The following USP10 variants were observed in gnomAD, a reference collection of about 807,000 sequenced individuals.
USP10 encodes the protein ubiquitin specific peptidase 10.
A neutral mutation model predicts 84.5 loss-of-function variants in USP10; 22 were observed. The ratio of observed to expected loss-of-function variants is 0.26; its 90% CI spans 0.19 to 0.37. The LOEUF is 0.37. Among genes scored for constraint, USP10 ranks in the 10% least tolerant of loss-of-function variants. USP10 has a pLI of 1.00. For missense variants in USP10, 1,019 were observed against 998.9 expected, an observed-to-expected ratio of 1.02 and a Z score of -0.27; for synonymous variants, 454 against 387.6, an observed-to-expected ratio of 1.17 and a Z score of -2.01.
chr16:84,747,227 A>G (rs1485864569), intron 4 of USP10, among the ~76,000 whole-genome samples: 1 of 152,238 alleles, frequency 6.6e-6, no homozygotes, highest in Non-Finnish European at 1.5e-5. Context: ...CCAAGTTAAA[A>G]TAAGCTGTTT....
intron 2 of USP10, among the ~76,000 whole-genome samples, chr16:84,739,938 T>C (rs761562249): frequency 6.6e-5 from 10 of 152,224 alleles, no homozygotes; most frequent in Non-Finnish European, 1.5e-4. Context: ...TCATCTTCGC[T>C]AGTGCACAAA....
chr16:84,727,551 G>C (rs972560390), intron 1 of USP10, among the ~76,000 whole-genome samples: 1 of 152,172 alleles, frequency 6.6e-6, no homozygotes, highest in Non-Finnish European at 1.5e-5. Context: ...ATAGTACAAA[G>C]AATCCCCAGA....
At chr16:84,774,578 C>G (rs1021520426) in intron 12 of USP10, among the ~76,000 whole-genome samples, 2 of 151,894 alleles carry the variant, frequency 1.3e-5, no homozygotes, top group African/African-American at 4.8e-5. Flanking sequence ...TCAAGTGATT[C>G]TCCTGCCTCA....
At chr16:84,711,331 A>G (rs902115427) in intron 1 of USP10, among the ~76,000 whole-genome samples, 1 of 152,214 alleles carries the variant, frequency 6.6e-6, no homozygotes, top group Admixed American at 6.5e-5. Flanking sequence ...ACATCTTGAA[A>G]TAGGACCTTT....
intron 2 of USP10, among the ~76,000 whole-genome samples, chr16:84,736,319 G>T (rs1909932301): frequency 6.6e-6 from 1 of 152,208 alleles, no homozygotes; most frequent in Admixed American, 6.5e-5. Context: ...AGAAATGTGG[G>T]ATGTTAAGAT....
intron 9 of USP10, among the ~76,000 whole-genome samples, chr16:84,763,798 G>A (rs532378908): frequency 1.5e-3 from 224 of 152,060 alleles, no homozygotes; most frequent in African/African-American, 5.3e-3. Flanking sequence ...CACCTGTTGC[G>A]ATTGGTTGCC....
In USP10 at chr16:84,744,933, A is replaced by G. The variant is rs758475739; in HGVS notation, c.452A>G (p.Lys151Arg). ...SGGLGQRERK[K>R]KKKRPPGYYS... The stretch of plus-strand genomic sequence containing the variant: ...GGTCTTGGACAAAGGGAGCGTAAAA[A>G]GAAGAAAAAGCGGCCACCTGGATAT... The change falls in exon 4 of 14, where the codon AAG becomes AGG. Residue 151 changes from lysine to arginine, a missense_variant. Coordinates refer to ENST00000219473, the MANE Select transcript of USP10 (RefSeq NM_005153.3). The G allele has an allele frequency of 6.2e-7, 1 of 1,613,812 alleles. No individual in the cohort carries two copies. Among genetic ancestry groups the G allele is most frequent in the Non-Finnish European group, 8.5e-7 (1 of 1,179,718 alleles).
chr16:84,759,726 A>G, intron 6 of USP10, 165 bp from the exon 7 acceptor site: 1 of 753,304 alleles, frequency 1.3e-6, no homozygotes, highest in African/African-American at 1.8e-5. Context: ...GAAATAGACC[A>G]AAAATGCATA....
intron 1 of USP10, among the ~76,000 whole-genome samples, chr16:84,714,550 A>G (rs1164346046): frequency 2.7e-5 from 4 of 149,304 alleles, no homozygotes; most frequent in Admixed American, 6.7e-5. Context: ...TTTTTTTTTT[A>G]GATCTCAAGA....
intron 9 of USP10, 131 bp from the exon 10 acceptor site, chr16:84,763,955 G>A: frequency 8.5e-7 from 1 of 1,170,082 alleles, no homozygotes; most frequent in East Asian, 2.6e-5. Context: ...TGTTGCGATT[G>A]GTTGCCGTGG....
intron 1 of USP10, among the ~76,000 whole-genome samples, chr16:84,712,885 G>T (rs1906496678): frequency 6.6e-6 from 1 of 152,170 alleles, no homozygotes; most frequent in African/African-American, 2.4e-5. Context: ...AGGACACTTA[G>T]CAATGCAGAG....
chr16:84,731,212 C>T (rs919491918), intron 1 of USP10, among the ~76,000 whole-genome samples: 1 of 151,694 alleles, frequency 6.6e-6, no homozygotes, highest in African/African-American at 2.4e-5. Context: ...ATCTTCTGAC[C>T]TCATGATCCG....
At chr16:84,755,230 G>A (rs1170423917) in intron 4 of USP10, among the ~76,000 whole-genome samples, 3 of 151,496 alleles carry the variant, frequency 2.0e-5, no homozygotes, top group South Asian at 2.1e-4. Flanking sequence ...TTCAAGCCCC[G>A]TCTCACCCAC....
intron 4 of USP10, among the ~76,000 whole-genome samples, chr16:84,748,408 A>G (rs755726448): frequency 4.0e-5 from 6 of 151,784 alleles, no homozygotes; most frequent in African/African-American, 7.3e-5. Flanking sequence ...GGTTCAGGCA[A>G]TTCTCCTGCC....
intron 1 of USP10, among the ~76,000 whole-genome samples, chr16:84,725,802 A>G (rs959431407): frequency 2.6e-5 from 4 of 152,250 alleles, no homozygotes; most frequent in African/African-American, 9.6e-5. Flanking sequence ...CTGGTCCAAC[A>G]TACCTTCATT....
chr16:84,738,146 C>G (rs1428753554), intron 2 of USP10, among the ~76,000 whole-genome samples: 1 of 152,070 alleles, frequency 6.6e-6, no homozygotes, highest in Non-Finnish European at 1.5e-5. Flanking sequence ...GTGCGTCTTC[C>G]CAGCCTGCTG....
At chr16:84,772,424 G>A (rs535382022) in intron 11 of USP10, 117 bp from the exon 12 acceptor site, 41 of 1,432,140 alleles carry the variant, frequency 2.9e-5, no homozygotes, top group Non-Finnish European at 1.9e-6. Flanking sequence ...ATGAAGTCCT[G>A]CCACAGGACT....
chr16:84,704,843 T>C (rs538062015), intron 1 of USP10: 2 of 1,535,726 alleles, frequency 1.3e-6, no homozygotes, highest in South Asian at 2.4e-5. Context: ...CTGGTTGCCC[T>C]CTCCTGGAAT....
intron 2 of USP10, among the ~76,000 whole-genome samples, chr16:84,734,267 A>G (rs554076107): frequency 4.2e-4 from 64 of 151,990 alleles, no homozygotes; most frequent in Non-Finnish European, 8.5e-4. Flanking sequence ...CTCGTATTAA[A>G]AAAAAAATCT....
Sources: allele counts gnomAD v4.1 joint callset (sites outside exome capture counted in the v4.1 genomes callset), GRCh38; gene constraint gnomAD v4.1.1; transcripts MANE v1.5; gene names NCBI Gene and HGNC (gene_info 2026-07-23, HGNC 2026-07-21).